The following SBF2 variants were observed in gnomAD, a reference collection of about 807,000 sequenced individuals.
SBF2 encodes the protein SET binding factor 2, also known as myotubularin-related protein 13.
SBF2 carries 112 observed loss-of-function variants against 225.2 expected under a neutral mutation model. The ratio of observed to expected loss-of-function variants is 0.50; its 90% CI spans 0.43 to 0.58. The LOEUF is 0.58. Among genes scored for constraint, SBF2 ranks in the 20% least tolerant of loss-of-function variants. The pLI, the probability that SBF2 is intolerant of heterozygous loss-of-function variation, is 0.00. For missense variants in SBF2, 1,996 were observed against 2,206.2 expected (o/e 0.90, Z 1.91); for synonymous variants, 763 against 773.3 (o/e 0.99, Z 0.22).
At chr11:10,098,865 AG>A (rs1005259558) in intron 2 of SBF2, among the ~76,000 whole-genome samples, 2 of 152,106 alleles carry the variant, frequency 1.3e-5, no homozygotes, top group African/African-American at 4.8e-5. Context: ...AGAAAAAAAA[AG>A]AATGAAAAAG....
At chr11:10,231,030 A>C (rs1958818455) in intron 1 of SBF2, among the ~76,000 whole-genome samples, 1 of 151,616 alleles carries the variant, frequency 6.6e-6, no homozygotes, top group South Asian at 2.1e-4. Flanking sequence ...TTTTTCTCTA[A>C]ACTTCTCTTC....
At chr11:10,300,874 C>T (rs1430066995) in intron 1 of SBF2, among the ~76,000 whole-genome samples, 3 of 149,534 alleles carry the variant, frequency 2.0e-5, no homozygotes, top group African/African-American at 4.9e-5. Context: ...GTCTTGAACT[C>T]CTGAGCTCAA....
At chr11:9,988,384 G>A (rs1401725654) in intron 13 of SBF2, among the ~76,000 whole-genome samples, 1 of 152,148 alleles carries the variant, frequency 6.6e-6, no homozygotes, top group Non-Finnish European at 1.5e-5. Context: ...AAAAGCAAAT[G>A]CAATAAAAAC....
intron 2 of SBF2, among the ~76,000 whole-genome samples, chr11:10,121,560 C>T (rs1304946491): frequency 1.3e-5 from 2 of 152,168 alleles, no homozygotes; most frequent in Non-Finnish European, 2.9e-5. Flanking sequence ...GGCTAGTATT[C>T]TCGAAACCAA....
chr11:10,147,796 A>C (rs1378107830), intron 2 of SBF2, among the ~76,000 whole-genome samples: 1 of 152,220 alleles, frequency 6.6e-6, no homozygotes, highest in Non-Finnish European at 1.5e-5. Flanking sequence ...ACAGTGAATA[A>C]GGCAGAGTTT....
intron 17 of SBF2, among the ~76,000 whole-genome samples, chr11:9,867,752 G>A (rs7942807): frequency 0.25 from 38,316 of 151,900 alleles, 5,268 homozygotes; most frequent in Non-Finnish European, 0.29. Flanking sequence ...TATGTTAAAC[G>A]AAATAAGCCA....
At chr11:10,239,571 T>G (rs532688763) in intron 1 of SBF2, among the ~76,000 whole-genome samples, 54,317 of 150,170 alleles carry the variant, frequency 0.36, 12,365 homozygotes, top group Non-Finnish European at 0.44. Context: ...CATCCTGCTG[T>G]AAATTTTACT....
chr11:9,818,834 G>T (rs1854594689), intron 28 of SBF2, among the ~76,000 whole-genome samples: 1 of 152,142 alleles, frequency 6.6e-6, no homozygotes, highest in South Asian at 2.1e-4. Context: ...TGATTCTCCT[G>T]CCTTAGCCTC....
chr11:10,160,540 A>T (rs1328458215), intron 2 of SBF2, among the ~76,000 whole-genome samples: 1 of 152,182 alleles, frequency 6.6e-6, no homozygotes, highest in East Asian at 1.9e-4. Flanking sequence ...CATACACCAC[A>T]ATGTTAACAG....
chr11:9,848,437 G>A (rs1443735106), intron 22 of SBF2, among the ~76,000 whole-genome samples: 1 of 152,152 alleles, frequency 6.6e-6, no homozygotes, highest in Non-Finnish European at 1.5e-5. Flanking sequence ...TTCAAAATTT[G>A]AAAGGAAAAG....
intron 28 of SBF2, among the ~76,000 whole-genome samples, chr11:9,822,632 G>C (rs1305013911): frequency 6.6e-6 from 1 of 152,130 alleles, no homozygotes; most frequent in Non-Finnish European, 1.5e-5. Context: ...CCGGCTAAGG[G>C]GACTGCTTCA....
In SBF2 at chr11:10,271,241, A is replaced by G. The variant is rs1206275790; in HGVS notation, c.55+22774T>C. Among the ~76,000 whole-genome samples, 9 of 42,758 alleles carry G rather than the reference A, an allele frequency of 2.1e-4. 1 individual carries two copies. The highest frequency in any genetic ancestry group is 4.9e-4 in the Admixed American group (2 of 4,092). The allele number at this position is 42,758 out of a possible 152,430, so 28.1% of individuals were successfully genotyped here. A position where few individuals can be genotyped will look rare whatever the true frequency, so the allele number is the denominator to read the frequency against. On this transcript the variant is annotated intron_variant, in intron 1 of 39. Coordinates refer to ENST00000256190, the MANE Select transcript of SBF2 (RefSeq NM_030962.4). ...AAGTTAAGAATTCTTTTAGGTTGTA[A>G]TATTTTCATGTTAGTTTTTAATCAT...
chr11:10,005,388 G>A (rs1590735121), intron 6 of SBF2, among the ~76,000 whole-genome samples: 1 of 152,230 alleles, frequency 6.6e-6, no homozygotes, highest in East Asian at 1.9e-4. Flanking sequence ...GAAGAATCTG[G>A]GGAGGAGAGA....
intron 2 of SBF2, among the ~76,000 whole-genome samples, chr11:10,123,623 T>C (rs1452814783): frequency 1.3e-5 from 2 of 152,098 alleles, no homozygotes; most frequent in East Asian, 1.9e-4. Flanking sequence ...CACTAGTTCC[T>C]GTTGTATTCA....
intron 24 of SBF2, 73 bp downstream of exon 24, chr11:9,845,492 A>G (rs1304067663): frequency 7.4e-7 from 1 of 1,355,622 alleles, no homozygotes; most frequent in Non-Finnish European, 1.1e-6. Context: ...ACACCTGGAC[A>G]CAAAGGATAG....
chr11:10,143,041 G>C (rs897199495), intron 2 of SBF2, among the ~76,000 whole-genome samples: 3 of 152,146 alleles, frequency 2.0e-5, no homozygotes, highest in African/African-American at 7.2e-5. Flanking sequence ...AAAGCTAACA[G>C]GTTTGTGAAA....
intron 6 of SBF2, among the ~76,000 whole-genome samples, chr11:10,006,162 G>A (rs751017323): frequency 2.0e-5 from 3 of 152,240 alleles, no homozygotes; most frequent in African/African-American, 7.2e-5. Context: ...CCTCCGGACC[G>A]TCCACCTCGA....
intron 2 of SBF2, among the ~76,000 whole-genome samples, chr11:10,063,289 C>T (rs1950510961): frequency 6.6e-6 from 1 of 150,938 alleles, no homozygotes; most frequent in South Asian, 2.1e-4. Context: ...ATCTATGTAA[C>T]AAACCTTCAC....
chr11:10,282,680 T>C (rs575502600), intron 1 of SBF2, among the ~76,000 whole-genome samples: 3 of 152,302 alleles, frequency 2.0e-5, no homozygotes, highest in Non-Finnish European at 4.4e-5. Context: ...CATCCATACC[T>C]TCCTTGCCAT....
Sources: allele counts gnomAD v4.1 joint callset (sites outside exome capture counted in the v4.1 genomes callset), GRCh38; gene constraint gnomAD v4.1.1; transcripts MANE v1.5; gene names NCBI Gene and HGNC (gene_info 2026-07-23, HGNC 2026-07-21).